The following PIEZO1 variants were observed in gnomAD, a reference collection of about 807,000 sequenced individuals.
PIEZO1 encodes piezo-type mechanosensitive ion channel component 1.
PIEZO1 carries 296 observed loss-of-function variants against 297.2 expected under a neutral mutation model. That is an observed-to-expected ratio of 1.00 (90% CI 0.91 to 1.10). The LOEUF is 1.10. Among genes scored for constraint, PIEZO1 ranks in the 50% least tolerant of loss-of-function variants. The probability of loss-of-function intolerance (pLI) is 0.00; values close to 1 mark genes in which losing one functional copy is unlikely to be tolerated. For synonymous variants in PIEZO1, 2,427 were observed against 1,507.5 expected, an observed-to-expected ratio of 1.61 and a Z score of -14.13; for missense variants, 5,018 against 3,455.5, an observed-to-expected ratio of 1.45 and a Z score of -11.34.
intron 1 of PIEZO1, among the ~76,000 whole-genome samples, chr16:88,774,360 C>T (rs1297036540): frequency 6.6e-6 from 1 of 152,208 alleles, no homozygotes; most frequent in Non-Finnish European, 1.5e-5. Flanking sequence ...CACTGCACAC[C>T]AGCTTGGGCG....
chr16:88,747,277 C>T (rs1451160228), intron 2 of PIEZO1, among the ~76,000 whole-genome samples: 3 of 150,728 alleles, frequency 2.0e-5, no homozygotes, highest in Admixed American at 6.6e-5. Flanking sequence ...CCTGTAGTCT[C>T]GGCCGAGGTG....
At position 88,732,550 on chromosome 16, in the gene PIEZO1, G is replaced by A. The variant is rs1454867092; in HGVS notation, c.2791-15C>T. The A allele has an allele frequency of 1.9e-6, 3 of 1,544,280 alleles. No individual in the cohort carries two copies. The highest frequency in any genetic ancestry group is 2.6e-6 in the Non-Finnish European group (3 of 1,142,116). On this transcript the variant is annotated splice_polypyrimidine_tract_variant and intron_variant, in intron 20 of 50. Coordinates refer to ENST00000301015, the MANE Select transcript of PIEZO1 (RefSeq NM_001142864.4). ...TGCAGGTGGTTCTGCGGAGGGCAAG[G>A]GTCAGGGGGCAGCCGGGTACTCGCC...
intron 5 of PIEZO1, chr16:88,740,195 T>C (rs1905549030): frequency 1.3e-5 from 2 of 152,026 alleles, no homozygotes; most frequent in African/African-American, 2.4e-5. Flanking sequence ...TATGTGGGAG[T>C]GAGGGTCGCC....
intron 10 of PIEZO1, chr16:88,737,097 G>A (rs1380437891): frequency 1.2e-5 from 3 of 240,142 alleles, no homozygotes; most frequent in Admixed American, 1.1e-4. Flanking sequence ...TCAAGGGTTA[G>A]GGTAAAGAAA....
intron 27 of PIEZO1, chr16:88,725,982 C>G (rs1904395375): frequency 5.3e-6 from 3 of 568,922 alleles, no homozygotes; most frequent in Non-Finnish European, 9.4e-6. Context: ...AGTCGTGACA[C>G]CACACAGTGG....
At chr16:88,749,049 A>G (rs545446285) in intron 2 of PIEZO1, among the ~76,000 whole-genome samples, 78 of 151,540 alleles carry the variant, frequency 5.1e-4, no homozygotes, top group South Asian at 1.7e-3. Flanking sequence ...CATCCTGGCT[A>G]TCACGGTGAA....
Position 88,716,746 on chromosome 16 carries a change from C to T in PIEZO1, c.6754-15G>A, listed in dbSNP as rs761514562. On this transcript the variant is annotated splice_polypyrimidine_tract_variant and intron_variant, in intron 46 of 50. Transcript: ENST00000301015. ...TGCATGGCCAGCTGGGTACAAGTGA[C>T]ACCCTCAGTGACTGCAGCCGCCTCC... is the stretch of plus-strand genomic sequence containing the variant. 9 of 1,548,232 alleles carry T rather than the reference C, an allele frequency of 5.8e-6. No individual in the cohort carries two copies. In the South Asian group the frequency reaches 8.3e-5, roughly 14 times the overall value.
At position 88,721,253 on chromosome 16, in the gene PIEZO1, G is replaced by A; in HGVS notation, c.5581C>T (p.Leu1861Phe). 6.5e-7 allele frequency: 1 copy of A among 1,543,064 alleles called. No homozygotes were observed. The highest frequency in any genetic ancestry group is 8.7e-7 in the Non-Finnish European group (1 of 1,146,410). Residue 1861 changes from leucine to phenylalanine, a missense_variant, in exon 39 of 51, where the codon CTC becomes TTC. Physicochemically the swap from Leu to Phe is conservative, Grantham distance 22 (BLOSUM62 0). Coordinates refer to ENST00000301015, the MANE Select transcript of PIEZO1 (RefSeq NM_001142864.4). Reference protein sequence around the residue: ...TDGTPEPQVELRPRDTRRISL... With the variant: ...TDGTPEPQVEFRPRDTRRISL... The stretch of plus-strand genomic sequence containing the variant: ...ATGCGCCTCGTATCACGGGGCCTGA[G>A]CTCCACTTGGGGTTCTGGGGTCCCG...
chr16:88,746,619 C>T (rs907239655), intron 2 of PIEZO1, among the ~76,000 whole-genome samples: 2 of 152,184 alleles, frequency 1.3e-5, no homozygotes, highest in Admixed American at 6.5e-5. Context: ...CATAAAGCCC[C>T]GGGCACTCGG....
intron 1 of PIEZO1, among the ~76,000 whole-genome samples, chr16:88,773,326 G>C (rs1907511727): frequency 6.6e-6 from 1 of 152,268 alleles, no homozygotes; most frequent in African/African-American, 2.4e-5. Context: ...AAACCGCAGA[G>C]GAGGTCTGCC....
Position 88,762,450 on chromosome 16 carries a change from G to A in PIEZO1, c.65-12971C>T, listed in dbSNP as rs562233244. Among the ~76,000 whole-genome samples the A allele has an allele frequency of 2.0e-5, 3 of 152,308 alleles. No individual in the cohort carries two copies. The East Asian group carries it at 5.8e-4, about 29-fold the overall frequency. On this transcript the variant is annotated intron_variant, in intron 1 of 50. Transcript: ENST00000301015. ...GCAGGCACTGCCCTCCTGGATTCCT[G>A]CTGCTCGACAATCCCGGGGACGGCA...
At position 88,716,847 on chromosome 16, in the gene PIEZO1, G is replaced by C. The variant is rs1434617705; in HGVS notation, c.6712C>G (p.Gln2238Glu). The change falls in exon 46 of 51, where the codon CAG becomes GAG. Residue 2238 changes from glutamine (Q) to glutamate (E), a missense_variant. Physicochemically the swap from Gln to Glu is conservative, Grantham distance 29. Coordinates refer to ENST00000301015, the MANE Select transcript of PIEZO1 (RefSeq NM_001142864.4). ...TGCCGGGACAGCTCCTCATAGGCCT[G>C]GGCCGTGAAGGGGATGATGGACGGC... ...QQPSIIPFTAQAYEELSRQFD... is the reference protein window; with the variant it reads ...QQPSIIPFTAEAYEELSRQFD... 5 of 1,550,132 alleles carry C rather than the reference G, an allele frequency of 3.2e-6. No individual in the cohort carries two copies. In the Admixed American group the frequency reaches 7.8e-5, roughly 24 times the overall value.
At chr16:88,748,244 T>G (rs1389542737) in intron 2 of PIEZO1, among the ~76,000 whole-genome samples, 1 of 152,280 alleles carries the variant, frequency 6.6e-6, no homozygotes, top group Non-Finnish European at 1.5e-5. Context: ...CCATGGCCTT[T>G]GGGGACAGGT....
At chr16:88,777,131 C>T (rs1907701783) in intron 1 of PIEZO1, among the ~76,000 whole-genome samples, 1 of 152,244 alleles carries the variant, frequency 6.6e-6, no homozygotes, top group Non-Finnish European at 1.5e-5. Flanking sequence ...TGTCACCATA[C>T]CCAGCTAATT....
intron 2 of PIEZO1, among the ~76,000 whole-genome samples, chr16:88,748,496 C>T (rs996603160): frequency 8.6e-5 from 13 of 151,758 alleles, no homozygotes; most frequent in East Asian, 3.9e-4. Context: ...GCTCCCCCCC[C>T]CCCCCGCACA....
chr16:88,720,755 G>C lies in PIEZO1; in HGVS notation c.5669-7C>G. 3 of 1,479,768 alleles carry C rather than the reference G, an allele frequency of 2.0e-6. No homozygotes were observed. The highest frequency in any genetic ancestry group is 2.7e-6 in the Non-Finnish European group (3 of 1,116,138). 91.7% of individuals were successfully genotyped at this position (1,479,768 alleles called of 1,614,324 possible). On this transcript the variant is annotated splice_region_variant and splice_polypyrimidine_tract_variant and intron_variant, in intron 39 of 50. Transcript: ENST00000301015. ...TCCTCCCTGTCCTCAGCTTCTGTAG[G>C]GAAAAGCTGACTTCTGCCTGGGCCC... is the stretch of plus-strand genomic sequence containing the variant.
At chr16:88,732,295 C>G (rs1340520229) in intron 21 of PIEZO1, 40 bp downstream of exon 21, 2 of 1,517,902 alleles carry the variant, frequency 1.3e-6, no homozygotes, top group Non-Finnish European at 1.8e-6. Context: ...CTCCCGAAGG[C>G]CAAGCCCTGC....
In PIEZO1 at chr16:88,722,655, A is replaced by C; in HGVS notation, c.4703T>G (p.Leu1568Arg). The C allele has an allele frequency of 6.5e-7, 1 of 1,538,430 alleles. No homozygotes were observed. The highest frequency in any genetic ancestry group is 2.4e-5 in the East Asian group (1 of 40,896). Residue 1568 changes from leucine to arginine, a missense_variant, in exon 35 of 51, where the codon CTG becomes CGG. Transcript: ENST00000301015. ...GEVHRGVLDQ[L>R]YTSQAEATLP... The stretch of plus-strand genomic sequence containing the variant: ...CGTGGCCTCGGCCTGGCTTGTGTAC[A>C]GCTGATCCAGCACGCCCCTGTGCAC...
At chr16:88,734,568 G>A (rs747598025) in intron 15 of PIEZO1, 30 bp from the exon 16 acceptor site, 90 of 1,544,280 alleles carry the variant, frequency 5.8e-5, no homozygotes, top group Middle Eastern at 3.6e-4. Flanking sequence ...GCACCGGCCC[G>A]GCCCCCGGCA....
Sources: allele counts gnomAD v4.1 joint callset (sites outside exome capture counted in the v4.1 genomes callset), GRCh38; gene constraint gnomAD v4.1.1; transcripts MANE v1.5; gene names NCBI Gene and HGNC (gene_info 2026-07-23, HGNC 2026-07-21).